YWHAB: variants seen among roughly 807,000 people sequenced by gnomAD.
The protein encoded by YWHAB is 14-3-3 protein beta/alpha.
In YWHAB, 2 loss-of-function variants were observed where a neutral mutation model predicts 28.5. The ratio of observed to expected loss-of-function variants is 0.07; its 90% confidence interval spans 0.03 to 0.22. The LOEUF (loss-of-function observed/expected upper bound fraction) is 0.22. Among genes scored for constraint, YWHAB ranks in the 10% least tolerant of loss-of-function variants. YWHAB has a pLI of 1.00. For synonymous variants in YWHAB, 103 were observed against 104.7 expected (o/e 0.98, Z 0.10); for missense variants, 148 against 297.1 (o/e 0.50, Z 3.69).
At chr20:44,886,144 C>A (rs1235649300) in intron 1 of YWHAB, 1 of 152,438 alleles carries the variant, frequency 6.6e-6, no homozygotes, top group South Asian at 2.1e-4. Context: ...CAACTCCGTA[C>A]TGTGCCGTAA....
intron 2 of YWHAB, chr20:44,903,170 C>T (rs557743849): frequency 1.4e-3 from 1,217 of 859,756 alleles, no homozygotes; most frequent in Non-Finnish European, 1.6e-3. Flanking sequence ...ATTAGCTACT[C>T]TTTGAGTGCT....
At position 44,904,022 on chromosome 20, in the gene YWHAB, T is replaced by G. The variant is rs1358220876; in HGVS notation, c.330T>G (p.Asn110Lys). 1 of 1,599,562 alleles carries G rather than the reference T, an allele frequency of 6.3e-7. No individual in the cohort carries two copies. The highest frequency in any genetic ancestry group is 8.5e-7 in the Non-Finnish European group (1 of 1,176,714). The change falls in exon 3 of 6, where the codon AAT becomes AAG. Residue 110 changes from asparagine (N) to lysine (K), a missense_variant. Transcript: ENST00000353703. ...LELLDKYLIP[N>K]ATQPESKVFY... Reference sequence around the variant, plus strand: ...TGTTGGACAAATATCTTATTCCCAATGCTACACAACCAGAAAGTAAGGTGT... The same window carrying G: ...TGTTGGACAAATATCTTATTCCCAAGGCTACACAACCAGAAAGTAAGGTGT...
At chr20:44,903,878 G>GT (rs1568933240) in intron 2 of YWHAB, 115 bp from the exon 3 acceptor site, 6 of 1,260,782 alleles carry the variant, frequency 4.8e-6, no homozygotes, top group East Asian at 5.2e-5. Context: ...AAAAATTGGT[G>GT]TTTTTTTAAT....
chr20:44,889,346 C>A (rs903572185), intron 1 of YWHAB, among the ~76,000 whole-genome samples: 1 of 152,110 alleles, frequency 6.6e-6, no homozygotes, highest in Non-Finnish European at 1.5e-5. Context: ...CATCTTACTG[C>A]TTTCTCAACT....
chr20:44,889,515 G>A (rs548127997), intron 1 of YWHAB, among the ~76,000 whole-genome samples: 22 of 145,372 alleles, frequency 1.5e-4, no homozygotes, highest in Admixed American at 1.2e-3. Flanking sequence ...AGTTTTTCCC[G>A]TACTGGTTAG....
intron 1 of YWHAB, 166 bp downstream of exon 1, chr20:44,886,052 G>C (rs1250154659): frequency 1.3e-5 from 2 of 152,278 alleles, no homozygotes; most frequent in Non-Finnish European, 2.9e-5. Context: ...CCTCGCAGCG[G>C]CCCCTCCCTG....
rs150381005 is a variant in YWHAB at position 44,906,417 on chromosome 20, C to T, written c.720C>T (p.Asp240=). 2.7e-4 allele frequency: 434 copies of T among 1,609,314 alleles called. 1 individual carries two copies. The highest frequency in any genetic ancestry group is 5.6e-4 in the Middle Eastern group (3 of 5,360). The change falls in exon 6 of 6, where the codon GAC becomes GAT. Residue 240 remains aspartate, a synonymous_variant. Coordinates refer to ENST00000353703, the MANE Select transcript of YWHAB (RefSeq NM_139323.4). The part of the protein sequence containing the change: ...WTSENQGDEG[D]AGEGEN ...CGGAAAACCAGGGAGACGAAGGAGA[C>T]GCTGGGGAGGGAGAGAACTAATGTT...
At chr20:44,897,195 G>C (rs2066600952) in intron 1 of YWHAB, among the ~76,000 whole-genome samples, 1 of 152,166 alleles carries the variant, frequency 6.6e-6, no homozygotes, top group South Asian at 2.1e-4. Context: ...AGTAAAAGGG[G>C]GATAGCTTAA....
chr20:44,900,214 A>T (rs556351965), intron 1 of YWHAB, among the ~76,000 whole-genome samples: 3 of 152,028 alleles, frequency 2.0e-5, no homozygotes, highest in East Asian at 1.9e-4. Context: ...CACCCAGCCA[A>T]TTTTTTCTTC....
At chr20:44,897,128 A>T (rs752760113) in intron 1 of YWHAB, among the ~76,000 whole-genome samples, 2 of 152,210 alleles carry the variant, frequency 1.3e-5, no homozygotes, top group Non-Finnish European at 2.9e-5. Context: ...GTCCCACTGA[A>T]TAGTCCAGAT....
At chr20:44,898,085 G>A (rs1185635170) in intron 1 of YWHAB, among the ~76,000 whole-genome samples, 1 of 152,134 alleles carries the variant, frequency 6.6e-6, no homozygotes, top group Non-Finnish European at 1.5e-5. Flanking sequence ...ATCTTTCATT[G>A]GACAGAACTA....
intron 1 of YWHAB, chr20:44,886,136 AC>A (rs1002194698): frequency 6.6e-6 from 1 of 151,636 alleles, no homozygotes; most frequent in Non-Finnish European, 1.5e-5. Context: ...GCGGGGTGCA[AC>A]TCCGTACTGT....
intron 1 of YWHAB, among the ~76,000 whole-genome samples, chr20:44,891,433 A>T (rs557586893): frequency 2.6e-5 from 4 of 152,260 alleles, no homozygotes; most frequent in South Asian, 2.1e-4. Flanking sequence ...GGATGAGAAA[A>T]CAAATTCACA....
Position 44,901,793 on chromosome 20 carries a change from A to G in YWHAB, c.260A>G (p.Lys87Arg), listed in dbSNP as rs756805731. 6.2e-7 allele frequency: 1 copy of G among 1,609,190 alleles called. No homozygotes were observed. The highest frequency in any genetic ancestry group is 8.5e-7 in the Non-Finnish European group (1 of 1,175,966). The change falls in exon 2 of 6, where the codon AAG becomes AGG. Residue 87 changes from lysine to arginine, a missense_variant. Lys to Arg is a conservative substitution (Grantham distance 26). Around this residue, in one of 2 missense-constraint regions of YWHAB, gnomAD observed 110 missense variants for 177.9 expected, o/e 0.62. Coordinates refer to ENST00000353703, the MANE Select transcript of YWHAB (RefSeq NM_139323.4). ...KQQMGKEYRE[K>R]IEAELQDICN... ...CAGATGGGCAAAGAGTACCGTGAGAAGATAGAGGCAGAACTGCAGGACATC... is the reference window on the plus strand; with the variant it reads ...CAGATGGGCAAAGAGTACCGTGAGAGGATAGAGGCAGAACTGCAGGACATC...
At chr20:44,895,104 T>C (rs1410821795) in intron 1 of YWHAB, among the ~76,000 whole-genome samples, 1 of 152,194 alleles carries the variant, frequency 6.6e-6, no homozygotes, top group African/African-American at 2.4e-5. Flanking sequence ...TATAAGTATA[T>C]TCAGAGTCAT....
chr20:44,905,945 G>A, intron 4 of YWHAB, 56 bp from the exon 5 acceptor site: 1 of 1,448,454 alleles, frequency 6.9e-7, no homozygotes, highest in South Asian at 1.2e-5. Flanking sequence ...AAAAAAAGTG[G>A]GCTAAACTAG....
chr20:44,901,599 T>A lies in YWHAB; in HGVS notation c.66T>A (p.Asp22Glu). ...TCGCTGAGCAGGCTGAGCGATATGA[T>A]GATATGGCTGCAGCCATGAAGGCAG... ...AKLAEQAERYDDMAAAMKAVT... is the reference protein window; with the variant it reads ...AKLAEQAERYEDMAAAMKAVT... The change falls in exon 2 of 6, where the codon GAT becomes GAA. Residue 22 changes from aspartate (D) to glutamate (E), a missense_variant. Physicochemically the swap from Asp to Glu is conservative, Grantham distance 45. Around this residue, in one of 2 missense-constraint regions of YWHAB, gnomAD observed 110 missense variants for 177.9 expected, o/e 0.62. Coordinates refer to ENST00000353703, the MANE Select transcript of YWHAB (RefSeq NM_139323.4). 1 of 1,614,010 alleles carries A rather than the reference T, an allele frequency of 6.2e-7. No homozygotes were observed. The highest frequency in any genetic ancestry group is 8.5e-7 in the Non-Finnish European group (1 of 1,179,912).
intron 1 of YWHAB, among the ~76,000 whole-genome samples, chr20:44,897,555 T>G (rs1251347120): frequency 6.6e-6 from 1 of 152,230 alleles, no homozygotes; most frequent in African/African-American, 2.4e-5. Context: ...CTCAAAGACC[T>G]TATGGTCAAG....
chr20:44,905,465 C>T (rs1452504941), intron 4 of YWHAB: 1 of 200,558 alleles, frequency 5.0e-6, no homozygotes, highest in East Asian at 1.2e-4. Context: ...AAAAGAAATA[C>T]ACAGCACATT....
Sources: allele counts gnomAD v4.1 joint callset (sites outside exome capture counted in the v4.1 genomes callset), GRCh38; gene constraint gnomAD v4.1.1; regional missense constraint gnomAD v4.1.1; transcripts MANE v1.5; gene names NCBI Gene and HGNC (gene_info 2026-07-23, HGNC 2026-07-21).